Variants in PCDHGA8 observed in about 807,000 individuals in gnomAD.
PCDHGA8 encodes protocadherin gamma-A8.
PCDHGA8 carries 45 observed loss-of-function variants against 59.2 expected under a neutral mutation model. That is an observed-to-expected ratio of 0.76 (90% confidence interval 0.60 to 0.98). PCDHGA8 has a LOEUF of 0.98. Ranked by LOEUF, PCDHGA8 falls within the 50% of genes least tolerant of loss-of-function variation. The pLI is 0.00. For missense variants in PCDHGA8, 1,257 were observed against 1,196.2 expected (o/e 1.05, Z -0.75); for synonymous variants, 531 against 519.0 (o/e 1.02, Z -0.32).
intron 1 of PCDHGA8, among the ~76,000 whole-genome samples, chr5:141,473,057 A>G (rs2099313037): frequency 2.6e-5 from 4 of 152,056 alleles, no homozygotes; most frequent in Non-Finnish European, 5.9e-5. Flanking sequence ...AAGTGATACA[A>G]CAAGTTACAG....
intron 1 of PCDHGA8, chr5:141,478,270 C>G (rs1347709530): frequency 5.6e-6 from 9 of 1,614,078 alleles, no homozygotes; most frequent in Non-Finnish European, 6.8e-6. Context: ...TCAAAGTTTA[C>G]AAGTGGAAGC....
chr5:141,414,791 G>A (rs375736950), intron 1 of PCDHGA8: 43 of 1,614,120 alleles, frequency 2.7e-5, no homozygotes, highest in Non-Finnish European at 3.3e-5. Context: ...GTGACAGCCA[G>A]CGACAGCGGG....
At position 141,476,901 on chromosome 5, in the gene PCDHGA8, G is replaced by C; in HGVS notation, c.2425-17906G>C. On this transcript the variant is annotated intron_variant, in intron 1 of 3. Coordinates refer to ENST00000398604, the MANE Select transcript of PCDHGA8 (RefSeq NM_032088.2). The surrounding 1 kb of genome is among the most constrained non-coding windows in gnomAD (Gnocchi z 7.6). ...CTGGAGGATGCACCCTCCGGCACGC[G>C]CGTGGTACAAGTCCTTGCAACGGAT... The C allele has an allele frequency of 1.2e-6, 2 of 1,613,900 alleles. No homozygotes were observed. Among genetic ancestry groups the C allele is most frequent in the Non-Finnish European group, 1.7e-6 (2 of 1,180,034 alleles).
chr5:141,399,202 G>T, intron 1 of PCDHGA8: 1 of 1,613,914 alleles, frequency 6.2e-7, no homozygotes, highest in Non-Finnish European at 8.5e-7. Context: ...CGCGGTGCCT[G>T]GAACACTAAT....
Position 141,427,760 on chromosome 5 carries a change from T to C in PCDHGA8, c.2424+32523T>C, listed in dbSNP as rs1464459008. On this transcript the variant is annotated intron_variant, in intron 1 of 3. Coordinates refer to ENST00000398604, the MANE Select transcript of PCDHGA8 (RefSeq NM_032088.2). The stretch of plus-strand genomic sequence containing the variant: ...AAGTCTCCTACTCCATCGTTACCAC[T>C]GACTTGGAGCTGCGGGCACTGTCGT... The C allele has an allele frequency of 4.4e-6, 6 of 1,360,822 alleles. No individual in the cohort carries two copies. The Admixed American group carries it at 5.1e-5, about 12-fold the overall frequency. 84.3% of individuals were successfully genotyped at this position (1,360,822 alleles called of 1,614,324 possible).
At position 141,409,225 on chromosome 5, in the gene PCDHGA8, C is replaced by T. The variant is rs781617309; in HGVS notation, c.2424+13988C>T. 59 of 1,613,878 alleles carry T rather than the reference C, an allele frequency of 3.7e-5. 2 individuals carry two copies. The East Asian group carries it at 1.1e-3, about 30-fold the overall frequency. On this transcript the variant is annotated intron_variant, in intron 1 of 3. Coordinates refer to ENST00000398604, the MANE Select transcript of PCDHGA8 (RefSeq NM_032088.2). ...TAATCATAGAAATCCTTGATGAAAA[C>T]GACAACAGCCCAGAAATAATCATCA...
Position 141,491,925 on chromosome 5 carries a change from G to C in PCDHGA8, c.2425-2882G>C. On this transcript the variant is annotated intron_variant, in intron 1 of 3. Coordinates refer to ENST00000398604, the MANE Select transcript of PCDHGA8 (RefSeq NM_032088.2). This position sits in a 1 kb window ranked among gnomAD's most constrained non-coding sequence, Gnocchi z 6.9. ...GGGTGGTGGCGACTGTGGGCGAGGG[G>C]AGGTGGGACCGACCCCCACCCCTAC... 1 of 1,325,176 alleles carries C rather than the reference G, an allele frequency of 7.5e-7. No individual in the cohort carries two copies. Among genetic ancestry groups the C allele is most frequent in the Non-Finnish European group, 1.0e-6 (1 of 987,300 alleles). The allele number at this position is 1,325,176 out of a possible 1,614,324, so 82.1% of individuals were successfully genotyped here.
intron 3 of PCDHGA8, among the ~76,000 whole-genome samples, chr5:141,506,116 A>T: frequency 6.6e-6 from 1 of 152,136 alleles, no homozygotes; most frequent in East Asian, 1.9e-4. Flanking sequence ...AAGAGTCACT[A>T]GGGCCCAGAG....
intron 1 of PCDHGA8, chr5:141,399,279 C>G (rs370090713): frequency 1.2e-6 from 2 of 1,613,694 alleles, no homozygotes; most frequent in Non-Finnish European, 1.7e-6. Flanking sequence ...AATTACAAGG[C>G]GAAGTCCCTT....
intron 1 of PCDHGA8, chr5:141,417,931 G>T (rs551432799): frequency 6.8e-6 from 11 of 1,611,382 alleles, no homozygotes; most frequent in Middle Eastern, 1.6e-4. Flanking sequence ...TGCTGCCTTT[G>T]TTCTACCCCA....
intron 1 of PCDHGA8, chr5:141,418,046 G>A (rs757311166): frequency 1.9e-6 from 3 of 1,613,888 alleles, no homozygotes; most frequent in Admixed American, 3.3e-5. Flanking sequence ...GGATGTGTCG[G>A]CTCGCGAGCT....
chr5:141,410,009 T>G, intron 1 of PCDHGA8: 1 of 1,613,318 alleles, frequency 6.2e-7, no homozygotes, highest in Non-Finnish European at 8.5e-7. Context: ...ACACAACGCC[T>G]GGCTGTCCTA....
intron 2 of PCDHGA8, among the ~76,000 whole-genome samples, chr5:141,500,399 C>T (rs966328306): frequency 1.3e-5 from 2 of 151,806 alleles, no homozygotes; most frequent in South Asian, 2.1e-4. Context: ...TTAGTAGAGA[C>T]GGGGTTTCAC....
intron 1 of PCDHGA8, among the ~76,000 whole-genome samples, chr5:141,483,599 G>A (rs1419379218): frequency 6.6e-6 from 1 of 152,048 alleles, no homozygotes; most frequent in African/African-American, 2.4e-5. Flanking sequence ...GGTCAGGCTG[G>A]TTTACACCTC....
chr5:141,415,197 A>G, intron 1 of PCDHGA8: 1 of 1,614,016 alleles, frequency 6.2e-7, no homozygotes, highest in African/African-American at 1.3e-5. Context: ...GCATCCCCCA[A>G]GTCCTGGCGG....
At chr5:141,414,245 T>A in intron 1 of PCDHGA8, 2 of 1,613,498 alleles carry the variant, frequency 1.2e-6, no homozygotes, top group Non-Finnish European at 1.7e-6. Context: ...ACGTCTCTAT[T>A]TAGTCCAGTG....
rs1022516458 is a variant in PCDHGA8, at chr5:141,476,612, A to G, written c.2425-18195A>G. The G allele has an allele frequency of 1.2e-6, 2 of 1,614,236 alleles. No individual in the cohort carries two copies. The highest frequency in any genetic ancestry group is 2.2e-5 in the South Asian group (2 of 91,080). ...GAGCGCGCACGATCCCGATGTGGGA[A>G]GCAACTCTTTACAAACCTATGAGCT... On this transcript the variant is annotated intron_variant, in intron 1 of 3. Transcript: ENST00000398604. The surrounding 1 kb of genome is among the most constrained non-coding windows in gnomAD (Gnocchi z 7.6).
chr5:141,475,951 G>A, intron 1 of PCDHGA8: 4 of 766,902 alleles, frequency 5.2e-6, no homozygotes, highest in South Asian at 1.9e-5. Flanking sequence ...CCCTTTCTGC[G>A]CCCCGGGATG....
chr5:141,474,208 A>C (rs1243312558), intron 1 of PCDHGA8, among the ~76,000 whole-genome samples: 1 of 152,242 alleles, frequency 6.6e-6, no homozygotes, highest in Non-Finnish European at 1.5e-5. Context: ...TGATTTTCAA[A>C]AACCAGATTG....
Sources: allele counts gnomAD v4.1 joint callset (sites outside exome capture counted in the v4.1 genomes callset), GRCh38; gene constraint gnomAD v4.1.1; non-coding constraint Gnocchi (gnomAD v3.1); transcripts MANE v1.5; gene names NCBI Gene and HGNC (gene_info 2026-07-23, HGNC 2026-07-21).